BTBD7: variants seen among roughly 807,000 people sequenced by gnomAD.
BTBD7 encodes BTB domain containing 7.
Under a neutral mutation model 99.9 loss-of-function variants are expected in BTBD7, and 38 were observed. The ratio of observed to expected loss-of-function variants is 0.38; its 90% CI spans 0.29 to 0.50. The LOEUF (loss-of-function observed/expected upper bound fraction) is 0.50. BTBD7 is among the 20% of genes least tolerant of loss of function. The probability of loss-of-function intolerance (pLI) is 0.93; values close to 1 mark genes in which losing one functional copy is unlikely to be tolerated. For synonymous variants in BTBD7, 520 were observed against 511.4 expected, an observed-to-expected ratio of 1.02 and a Z score of -0.23; for missense variants, 1,170 against 1,394.6, an observed-to-expected ratio of 0.84 and a Z score of 2.57.
intron 5 of BTBD7, among the ~76,000 whole-genome samples, chr14:93,257,592 A>T (rs1314855302): frequency 6.6e-6 from 1 of 152,252 alleles, no homozygotes; most frequent in African/African-American, 2.4e-5. Context: ...CTCTGCAATA[A>T]AGAATAAAGG....
chr14:93,278,761 T>C (rs558808782), intron 3 of BTBD7, among the ~76,000 whole-genome samples: 11 of 151,602 alleles, frequency 7.3e-5, no homozygotes, highest in African/African-American at 2.4e-4. Flanking sequence ...TACATGACTA[T>C]TTATCCATAT....
At chr14:93,323,804 T>C in intron 1 of BTBD7, among the ~76,000 whole-genome samples, 1 of 152,232 alleles carries the variant, frequency 6.6e-6, no homozygotes, top group East Asian at 1.9e-4. Context: ...GTCATGTTTA[T>C]TTAAAAAATG....
At chr14:93,315,522 T>C (rs2053190676) in intron 1 of BTBD7, among the ~76,000 whole-genome samples, 1 of 152,212 alleles carries the variant, frequency 6.6e-6, no homozygotes, top group African/African-American at 2.4e-5. Flanking sequence ...TTCTGACATG[T>C]AGAACATTTT....
At chr14:93,321,735 A>G (rs539969068) in intron 1 of BTBD7, among the ~76,000 whole-genome samples, 2 of 152,288 alleles carry the variant, frequency 1.3e-5, no homozygotes, top group South Asian at 2.1e-4. Flanking sequence ...TGACTCTGCC[A>G]TTTCTAAACT....
Position 93,257,430 on chromosome 14 carries a change from A to G in BTBD7, c.1448-75T>C, listed in dbSNP as rs1337868440. On this transcript the variant is annotated intron_variant, in intron 5 of 10. Transcript: ENST00000334746. ...ACAGGTTTCCTTTGTTCTCTAGTAC[A>G]TACACTAACAGTACCACTCTATAGA... The G allele has an allele frequency of 9.4e-6, 13 of 1,383,028 alleles. No individual in the cohort carries two copies. In the East Asian group the frequency reaches 1.8e-4, roughly 20 times the overall value. The allele number at this position is 1,383,028 out of a possible 1,614,324, so 85.7% of individuals were successfully genotyped here. A position where few individuals can be genotyped will look rare whatever the true frequency, so the allele number is the denominator to read the frequency against.
At chr14:93,249,740 AG>A (rs2052350661) in intron 8 of BTBD7, among the ~76,000 whole-genome samples, 1 of 152,154 alleles carries the variant, frequency 6.6e-6, no homozygotes, top group Non-Finnish European at 1.5e-5. Context: ...GCCCCTTTCT[AG>A]AAAAAGTATG....
Position 93,242,203 on chromosome 14 carries a change from G to A in BTBD7, c.*70C>T. On this transcript the variant is annotated 3_prime_UTR_variant, in exon 11 of 11. Coordinates refer to ENST00000334746, the MANE Select transcript of BTBD7 (RefSeq NM_001002860.4). ...TCAGCTGGCATTGATGAACTGGTCT[G>A]TAAGTTGTTGGGTTACATCATAAAA... 1.4e-6 allele frequency: 2 copies of A among 1,422,314 alleles called. No homozygotes were observed. The highest frequency in any genetic ancestry group is 9.7e-7 in the Non-Finnish European group (1 of 1,030,302). The allele number at this position is 1,422,314 out of a possible 1,614,324, so 88.1% of individuals were successfully genotyped here.
chr14:93,251,604 G>A lies in BTBD7; in HGVS notation c.1801C>T (p.Arg601Ter), dbSNP rs746059268. Reference protein sequence around the residue: ...MVEQTDLVRLRMVRMSNVPDT... With the variant: ...MVEQTDLVRL ...GGCACATTGGACATTCTAACCATTC[G>A]CAAGCGCACAAGATCCGTTTGTTCC... Residue 601 changes from arginine (R) to a stop codon, truncating the protein, a stop_gained, in exon 8 of 11, where the codon CGA becomes TGA. Transcript: ENST00000334746. LOFTEE classifies it high-confidence loss of function. 3 of 1,613,300 alleles carry A rather than the reference G, an allele frequency of 1.9e-6. No individual in the cohort carries two copies. Among genetic ancestry groups the A allele is most frequent in the Non-Finnish European group, 1.7e-6 (2 of 1,179,484 alleles).
At chr14:93,255,558 G>A (rs1181056656) in intron 6 of BTBD7, 1 of 151,148 alleles carries the variant, frequency 6.6e-6, no homozygotes, top group Non-Finnish European at 1.5e-5. Flanking sequence ...ACCAAGGCTG[G>A]AGTGCAGTGA....
Position 93,263,940 on chromosome 14 carries a change from G to A in BTBD7, c.1216C>T (p.Leu406Phe). The A allele has an allele frequency of 6.2e-7, 1 of 1,614,188 alleles. No homozygotes were observed. The highest frequency in any genetic ancestry group is 8.5e-7 in the Non-Finnish European group (1 of 1,180,036). Residue 406 changes from leucine to phenylalanine, a missense_variant, in exon 4 of 11, where the codon CTC becomes TTC. By Grantham distance (22) the Leu-to-Phe change is conservative. Around this residue, in one of 4 missense-constraint regions of BTBD7, gnomAD observed 359 missense variants for 497.9 expected, o/e 0.72. Coordinates refer to ENST00000334746, the MANE Select transcript of BTBD7 (RefSeq NM_001002860.4). ...CCATATGGATGAGAACTCCACTTGA[G>A]GATGGCAATTAAGGTATCTAATGAG... Reference protein sequence around the residue: ...SISLDTLIAILKWSSHPYGSK... With the variant: ...SISLDTLIAIFKWSSHPYGSK...
intron 3 of BTBD7, among the ~76,000 whole-genome samples, chr14:93,277,491 G>T (rs575791990): frequency 1.2e-4 from 18 of 152,280 alleles, no homozygotes; most frequent in Admixed American, 2.0e-4. Flanking sequence ...CTTGCTGGAA[G>T]AGACAGAAAG....
chr14:93,245,429 T>C (rs2052292981), intron 10 of BTBD7, among the ~76,000 whole-genome samples: 1 of 152,222 alleles, frequency 6.6e-6, no homozygotes, highest in African/African-American at 2.4e-5. Flanking sequence ...CTCTTGCTTC[T>C]TGTCCGATTA....
intron 1 of BTBD7, among the ~76,000 whole-genome samples, chr14:93,297,002 C>T (rs1314206711): frequency 2.6e-5 from 4 of 152,210 alleles, no homozygotes; most frequent in Non-Finnish European, 5.9e-5. Context: ...TAAATCTTTA[C>T]ACCATCTGGA....
intron 1 of BTBD7, among the ~76,000 whole-genome samples, chr14:93,298,606 C>T (rs1227775940): frequency 1.3e-5 from 2 of 151,978 alleles, no homozygotes; most frequent in Non-Finnish European, 2.9e-5. Context: ...ACCTGAAACA[C>T]TTCTGGTTCC....
intron 3 of BTBD7, among the ~76,000 whole-genome samples, chr14:93,285,438 T>C (rs1383384718): frequency 6.6e-6 from 1 of 152,188 alleles, no homozygotes; most frequent in African/African-American, 2.4e-5. Flanking sequence ...ATAAATTTCA[T>C]ATTGTAAAGA....
intron 1 of BTBD7, among the ~76,000 whole-genome samples, chr14:93,322,180 G>A (rs1005960062): frequency 2.0e-5 from 3 of 152,032 alleles, no homozygotes; most frequent in Admixed American, 2.0e-4. Flanking sequence ...TGGGGTGATC[G>A]CTACTCACCA....
chr14:93,276,496 T>C (rs1566845492), intron 3 of BTBD7, among the ~76,000 whole-genome samples: 1 of 152,130 alleles, frequency 6.6e-6, no homozygotes, highest in Non-Finnish European at 1.5e-5. Context: ...ATGTATTACC[T>C]ATTAAAAGTT....
intron 3 of BTBD7, among the ~76,000 whole-genome samples, chr14:93,266,956 A>G (rs1171487205): frequency 6.6e-6 from 1 of 152,206 alleles, no homozygotes; most frequent in Non-Finnish European, 1.5e-5. Flanking sequence ...TGAGCCTTGA[A>G]TACCAAGCTG....
chr14:93,299,269 C>T (rs1028950251), intron 1 of BTBD7, among the ~76,000 whole-genome samples: 9 of 152,214 alleles, frequency 5.9e-5, no homozygotes. Context: ...AATGTCATTA[C>T]TTCTCAGGTA....
Sources: allele counts gnomAD v4.1 joint callset (sites outside exome capture counted in the v4.1 genomes callset), GRCh38; gene constraint gnomAD v4.1.1; regional missense constraint gnomAD v4.1.1; transcripts MANE v1.5; gene names NCBI Gene and HGNC (gene_info 2026-07-23, HGNC 2026-07-21).